The following RBMS3 variants were observed in gnomAD, a reference collection of about 807,000 sequenced individuals.
RBMS3 encodes the protein RNA-binding motif, single-stranded-interacting protein 3.
A neutral mutation model predicts 66.8 loss-of-function variants in RBMS3; 27 were observed. The ratio of observed to expected loss-of-function variants is 0.40; its 90% CI spans 0.30 to 0.56. The LOEUF is 0.56. Ranked by LOEUF, RBMS3 falls within the 20% of genes least tolerant of loss-of-function variation. The probability of loss-of-function intolerance (pLI) is 0.40; values close to 1 mark genes in which losing one functional copy is unlikely to be tolerated. For synonymous variants in RBMS3, 188 were observed against 183.0 expected (o/e 1.03, Z -0.22); for missense variants, 513 against 549.5 (o/e 0.93, Z 0.66).
chr3:29,700,022 G>A (rs184358553), intron 4 of RBMS3, among the ~76,000 whole-genome samples: 12 of 151,846 alleles, frequency 7.9e-5, no homozygotes, highest in Admixed American at 5.9e-4. Flanking sequence ...AGATGCATTG[G>A]CACCCTAGTA....
At chr3:29,421,438 T>C (rs1345995974) in intron 1 of RBMS3, among the ~76,000 whole-genome samples, 1 of 152,200 alleles carries the variant, frequency 6.6e-6, no homozygotes, top group Non-Finnish European at 1.5e-5. Flanking sequence ...TTTTTAGTGT[T>C]AGGAGCCATG....
At chr3:29,914,520 C>A (rs984071164) in intron 10 of RBMS3, among the ~76,000 whole-genome samples, 1 of 151,652 alleles carries the variant, frequency 6.6e-6, no homozygotes, top group African/African-American at 2.4e-5. Context: ...TGTGCATACG[C>A]TGAGGTTACC....
At chr3:29,291,464 C>G (rs909019758) in intron 1 of RBMS3, among the ~76,000 whole-genome samples, 3 of 151,808 alleles carry the variant, frequency 2.0e-5, no homozygotes, top group African/African-American at 7.3e-5. Context: ...ACTGGGAGTT[C>G]CAGATCTGGG....
At chr3:29,513,338 C>A (rs1328960704) in intron 3 of RBMS3, among the ~76,000 whole-genome samples, 2 of 152,144 alleles carry the variant, frequency 1.3e-5, no homozygotes, top group African/African-American at 4.8e-5. Context: ...CCGAAGATAT[C>A]ACTAACCAAA....
chr3:29,387,872 C>A (rs2039082444), intron 1 of RBMS3, among the ~76,000 whole-genome samples: 1 of 152,140 alleles, frequency 6.6e-6, no homozygotes, highest in African/African-American at 2.4e-5. Context: ...ATCCACACAA[C>A]CTTGCTTCTC....
intron 12 of RBMS3, among the ~76,000 whole-genome samples, chr3:29,978,264 T>C (rs1050709159): frequency 6.6e-6 from 1 of 152,210 alleles, no homozygotes; most frequent in Admixed American, 6.6e-5. Context: ...TTCACAAGAC[T>C]GTCACTTCCT....
intron 1 of RBMS3, among the ~76,000 whole-genome samples, chr3:29,348,387 A>C (rs1043818722): frequency 2.0e-5 from 3 of 152,206 alleles, no homozygotes; most frequent in African/African-American, 7.2e-5. Flanking sequence ...GGGGTTGTGC[A>C]TAAAAGAAAT....
intron 6 of RBMS3, among the ~76,000 whole-genome samples, chr3:29,836,687 A>G (rs2058516142): frequency 6.6e-6 from 1 of 151,844 alleles, no homozygotes; most frequent in African/African-American, 2.4e-5. Flanking sequence ...TTTGCTGAGA[A>G]TGTAGATTTT....
At chr3:29,547,246 C>G (rs1363396487) in intron 3 of RBMS3, among the ~76,000 whole-genome samples, 1 of 152,120 alleles carries the variant, frequency 6.6e-6, no homozygotes, top group Non-Finnish European at 1.5e-5. Context: ...ATTATATACC[C>G]CCTTTAAATT....
chr3:29,574,836 C>G (rs1243493107), intron 3 of RBMS3, among the ~76,000 whole-genome samples: 1 of 109,892 alleles, frequency 9.1e-6, no homozygotes, highest in African/African-American at 3.5e-5. Flanking sequence ...AAAACACACA[C>G]ACACACACAC....
intron 4 of RBMS3, among the ~76,000 whole-genome samples, chr3:29,666,485 C>T (rs2050765378): frequency 6.6e-6 from 1 of 152,072 alleles, no homozygotes; most frequent in Non-Finnish European, 1.5e-5. Flanking sequence ...GGCTTTCAGA[C>T]TTTTTCTTTC....
intron 6 of RBMS3, among the ~76,000 whole-genome samples, chr3:29,796,785 T>C (rs1208147402): frequency 6.9e-6 from 1 of 145,740 alleles, no homozygotes; most frequent in African/African-American, 2.6e-5. Flanking sequence ...TGATCTCAGC[T>C]CACTGCAACC....
intron 12 of RBMS3, among the ~76,000 whole-genome samples, chr3:29,951,129 A>T (rs899530559): frequency 6.6e-6 from 1 of 151,878 alleles, no homozygotes; most frequent in African/African-American, 2.4e-5. Context: ...CACAAATTCA[A>T]CTTGGAAGTA....
At chr3:29,726,222 G>C (rs113709036) in intron 4 of RBMS3, among the ~76,000 whole-genome samples, 1 of 151,978 alleles carries the variant, frequency 6.6e-6, no homozygotes. Context: ...AATAATAAGA[G>C]CTATTTATGA....
At chr3:29,611,169 A>G (rs2048480118) in intron 4 of RBMS3, among the ~76,000 whole-genome samples, 1 of 152,046 alleles carries the variant, frequency 6.6e-6, no homozygotes, top group Admixed American at 6.6e-5. Context: ...ATATTTTACT[A>G]TTTGTGAACT....
intron 1 of RBMS3, among the ~76,000 whole-genome samples, chr3:29,368,909 C>G (rs1024962740): frequency 1.6e-4 from 25 of 152,084 alleles, no homozygotes; most frequent in Non-Finnish European, 3.2e-4. Flanking sequence ...ATAGAATCAA[C>G]CTAAATGTCC....
intron 3 of RBMS3, among the ~76,000 whole-genome samples, chr3:29,503,875 TG>T (rs1431703660): frequency 6.6e-6 from 1 of 152,090 alleles, no homozygotes; most frequent in African/African-American, 2.4e-5. Flanking sequence ...CAGTTAGTTT[TG>T]ACATTGCCAG....
chr3:29,943,456 C>G (rs999459291), intron 11 of RBMS3, among the ~76,000 whole-genome samples: 1 of 151,746 alleles, frequency 6.6e-6, no homozygotes, highest in African/African-American at 2.4e-5. Context: ...CTTTTTTCAT[C>G]TTTAAAAAAT....
intron 3 of RBMS3, among the ~76,000 whole-genome samples, chr3:29,528,874 T>G (rs894745561): frequency 2.6e-5 from 4 of 152,076 alleles, no homozygotes; most frequent in African/African-American, 9.7e-5. Context: ...GCTGGGACTA[T>G]GGGTGTGTGT....
Sources: gnomAD v4.1 joint callset for allele counts (sites outside exome capture counted in the v4.1 genomes callset) on GRCh38, gnomAD v4.1.1 for gene constraint, MANE v1.5 for transcripts, NCBI Gene and HGNC (gene_info 2026-07-23, HGNC 2026-07-21) for gene names.